CTCF: variants seen among roughly 807,000 people sequenced by gnomAD.
The protein encoded by CTCF is CCCTC-binding factor.
In CTCF, 7 loss-of-function variants were observed where a neutral mutation model predicts 72.3. The ratio of observed to expected loss-of-function variants is 0.10; its 90% CI spans 0.06 to 0.18. The LOEUF (loss-of-function observed/expected upper bound fraction) is 0.18. CTCF is among the 10% of genes least tolerant of loss of function. The pLI, the probability that CTCF is intolerant of heterozygous loss-of-function variation, is 1.00. For missense variants in CTCF, 516 were observed against 949.1 expected (o/e 0.54, Z 6.00); for synonymous variants, 374 against 315.8 (o/e 1.18, Z -1.95).
intron 2 of CTCF, among the ~76,000 whole-genome samples, chr16:67,583,920 GAGTGGTGTGCATTAGCGATT>G (rs1258398691): frequency 6.6e-6 from 1 of 152,166 alleles, no homozygotes; most frequent in Non-Finnish European, 1.5e-5. Context: ...CTGCTCAGTA[GAGTGGTGTGCATTAGCGATT>G]AGTGGTGTGC....
At chr16:67,626,230 G>A (rs1362021137) in intron 7 of CTCF, among the ~76,000 whole-genome samples, 1 of 151,920 alleles carries the variant, frequency 6.6e-6, no homozygotes, top group African/African-American at 2.4e-5. Flanking sequence ...ACGAGGTCAG[G>A]AGATTGAGAC....
At chr16:67,593,179 A>G (rs749445430) in intron 2 of CTCF, among the ~76,000 whole-genome samples, 4 of 151,716 alleles carry the variant, frequency 2.6e-5, no homozygotes, top group Non-Finnish European at 5.9e-5. Context: ...TTCTCTTAAA[A>G]TTTTTTACAA....
chr16:67,563,452 C>T (rs1316884177), intron 1 of CTCF: 1 of 152,202 alleles, frequency 6.6e-6, no homozygotes, highest in Non-Finnish European at 1.5e-5. Context: ...GCTCCCTCTG[C>T]AAGGCTGGCT....
At chr16:67,624,198 T>A (rs1358861711) in intron 7 of CTCF, among the ~76,000 whole-genome samples, 1 of 151,666 alleles carries the variant, frequency 6.6e-6, no homozygotes, top group Non-Finnish European at 1.5e-5. Flanking sequence ...TTTTTATATA[T>A]ATGTATGTCT....
chr16:67,605,530 C>G (rs1212000392), intron 2 of CTCF, among the ~76,000 whole-genome samples: 1 of 152,212 alleles, frequency 6.6e-6, no homozygotes, highest in African/African-American at 2.4e-5. Context: ...GGCAATCCAA[C>G]AACCTCGGGA....
At chr16:67,590,960 C>CAAAA (rs58183374) in intron 2 of CTCF, among the ~76,000 whole-genome samples, 2 of 55,128 alleles carry the variant, frequency 3.6e-5, no homozygotes, top group African/African-American at 7.8e-5. Context: ...GACTCTGTCT[C>CAAAA]AAAAAAAAAA....
chr16:67,593,377 A>G (rs8061001), intron 2 of CTCF, among the ~76,000 whole-genome samples: 5,039 of 151,746 alleles, frequency 0.033, 131 homozygotes, highest in South Asian at 0.061. Context: ...CCTAAGGCCT[A>G]TTGTTATGTT....
At chr16:67,578,394 G>A (rs1458417656) in intron 2 of CTCF, among the ~76,000 whole-genome samples, 10 of 138,502 alleles carry the variant, frequency 7.2e-5, no homozygotes, top group South Asian at 2.2e-4. Flanking sequence ...AGTGAGACAC[G>A]TGATCTTGGC....
In CTCF at chr16:67,637,909, CTG is replaced by C. The variant is rs2052453147; in HGVS notation, c.*41_*42del. On this transcript the variant is annotated 3_prime_UTR_variant, in exon 12 of 12. Coordinates refer to ENST00000264010, the MANE Select transcript of CTCF (RefSeq NM_006565.4). ...TGTGCGTCGCCAGGACTTCTCTGGG[CTG>C]TGTTTAAACGGCCCGCATCTTAATT... 1.3e-6 allele frequency: 2 copies of C among 1,525,554 alleles called. No individual in the cohort carries two copies. The highest frequency in any genetic ancestry group is 1.8e-6 in the Non-Finnish European group (2 of 1,130,226). The allele number at this position is 1,525,554 out of a possible 1,614,324, so 94.5% of individuals were successfully genotyped here.
chr16:67,576,677 C>G (rs2051502245), intron 2 of CTCF, among the ~76,000 whole-genome samples: 1 of 151,522 alleles, frequency 6.6e-6, no homozygotes, highest in African/African-American at 2.4e-5. Flanking sequence ...CCTCAGCCTC[C>G]TGAGTAGCTA....
At chr16:67,600,114 C>T (rs2051867276) in intron 2 of CTCF, among the ~76,000 whole-genome samples, 1 of 152,122 alleles carries the variant, frequency 6.6e-6, no homozygotes. Context: ...GGGAAAGGCC[C>T]TTGGGTTGAC....
chr16:67,575,742 C>T (rs2051488012), intron 2 of CTCF, among the ~76,000 whole-genome samples: 1 of 152,032 alleles, frequency 6.6e-6, no homozygotes. Context: ...CGCGCCCAGC[C>T]AAGTTGGTTA....
At chr16:67,585,811 T>C (rs958106352) in intron 2 of CTCF, among the ~76,000 whole-genome samples, 9 of 152,262 alleles carry the variant, frequency 5.9e-5, no homozygotes, top group Admixed American at 5.2e-4. Flanking sequence ...ATCTTTCTAC[T>C]CCTATTTAAA....
chr16:67,610,844 T>C lies in CTCF; in HGVS notation c.12T>C (p.Asp4=), dbSNP rs750378157. ...TAAAGGCAGGGGAAATGGAAGGTGA[T>C]GCAGTCGAAGCCATTGTGGAGGAGT... The part of the protein sequence containing the change: MEG[D]AVEAIVEESE... Residue 4 remains aspartate (D), a synonymous_variant, in exon 3 of 12, where the codon GAT becomes GAC. Transcript: ENST00000264010. The C allele has an allele frequency of 2.0e-6, 3 of 1,473,342 alleles. No homozygotes were observed. The highest frequency in any genetic ancestry group is 4.6e-5 in the East Asian group (2 of 43,410). The allele number at this position is 1,473,342 out of a possible 1,614,324, so 91.3% of individuals were successfully genotyped here.
At chr16:67,584,052 G>GCCTCACTGTGTGCAA (rs1243880996) in intron 2 of CTCF, among the ~76,000 whole-genome samples, 1 of 152,196 alleles carries the variant, frequency 6.6e-6, no homozygotes, top group African/African-American at 2.4e-5. Context: ...CTTGTGTGCA[G>GCCTCACTGTGTGCAA]CCTCACTGTG....
rs527927091 is a variant in CTCF at position 67,603,596 on chromosome 16, G to A, written c.-9-7228G>A. On this transcript the variant is annotated intron_variant, in intron 2 of 11. Transcript: ENST00000264010. ...TCCTGGTACTTTGGGAGGCCAAGGC[G>A]GGCGGATCAGGAGGTCAGGAGATAA... 2.0e-4 allele frequency among the ~76,000 whole-genome samples: 31 copies of A among 151,784 alleles called. No individual in the cohort carries two copies. The East Asian group carries it at 5.1e-3, about 25-fold the overall frequency.
chr16:67,615,335 C>T (rs913536870), intron 4 of CTCF: 20 of 152,190 alleles, frequency 1.3e-4, no homozygotes, highest in African/African-American at 4.8e-4. Context: ...TAAAAGAAGA[C>T]CAAGCATGGT....
chr16:67,599,613 G>A (rs979044286), intron 2 of CTCF, among the ~76,000 whole-genome samples: 1 of 151,700 alleles, frequency 6.6e-6, no homozygotes, highest in South Asian at 2.1e-4. Flanking sequence ...GGAACCTCCT[G>A]TTCATCATCT....
At chr16:67,592,722 A>G (rs1004085846) in intron 2 of CTCF, among the ~76,000 whole-genome samples, 3 of 148,432 alleles carry the variant, frequency 2.0e-5, no homozygotes, top group African/African-American at 7.5e-5. Flanking sequence ...ACAACATCAA[A>G]AAAAGATACT....
Sources: allele counts gnomAD v4.1 joint callset (sites outside exome capture counted in the v4.1 genomes callset), GRCh38; gene constraint gnomAD v4.1.1; transcripts MANE v1.5; gene names NCBI Gene and HGNC (gene_info 2026-07-23, HGNC 2026-07-21).